CDH3: variants seen among roughly 807,000 people sequenced by gnomAD.
CDH3 encodes the protein cadherin 3, also known as cadherin-3.
In CDH3, 54 loss-of-function variants were observed where a neutral mutation model predicts 82.0. The observed-to-expected ratio is 0.66, with a 90% confidence interval of 0.53 to 0.83. The LOEUF (loss-of-function observed/expected upper bound fraction) is 0.83, where lower values mean the gene tolerates loss of function less well. Ranked by LOEUF, CDH3 falls within the 40% of genes least tolerant of loss-of-function variation. The pLI is 0.00. For synonymous variants in CDH3, 446 were observed against 437.9 expected, an observed-to-expected ratio of 1.02 and a Z score of -0.23; for missense variants, 1,054 against 1,084.6, an observed-to-expected ratio of 0.97 and a Z score of 0.40.
chr16:68,666,552 C>T (rs201054746), intron 2 of CDH3, among the ~76,000 whole-genome samples: 44 of 152,104 alleles, frequency 2.9e-4, no homozygotes, highest in South Asian at 6.2e-4. Flanking sequence ...TGACCTCTCC[C>T]GTGGGTCTCC....
downstream of CDH3, among the ~76,000 whole-genome samples, chr16:68,700,849 A>G (rs560844576): frequency 8.5e-5 from 13 of 152,218 alleles, no homozygotes; most frequent in African/African-American, 3.1e-4. Context: ...GTGAGACCCT[A>G]TCTCAACAAC....
chr16:68,713,431 G>A (rs889848508), intron 1 of CDH3, among the ~76,000 whole-genome samples: 13 of 151,810 alleles, frequency 8.6e-5, no homozygotes, highest in Admixed American at 4.6e-4. Flanking sequence ...GTGTCAAGGT[G>A]TTGATTTCAA....
chr16:68,649,465 A>C (rs1960177178), intron 2 of CDH3, among the ~76,000 whole-genome samples: 1 of 152,226 alleles, frequency 6.6e-6, no homozygotes. Context: ...ATCTGCATAG[A>C]TCAGGCACTG....
chr16:68,678,282 G>C lies in CDH3; in HGVS notation c.390+5G>C. Reference sequence around the variant, plus strand: ...TTCCCCCAGAGACTGAATCAGGTACGACTGTGCCTTCTCCTGGGAAGCATT... The same window carrying C: ...TTCCCCCAGAGACTGAATCAGGTACCACTGTGCCTTCTCCTGGGAAGCATT... On this transcript the variant is annotated splice_donor_5th_base_variant and intron_variant, in intron 4 of 15. Coordinates refer to ENST00000264012, the MANE Select transcript of CDH3 (RefSeq NM_001793.6). 1 of 1,614,104 alleles carries C rather than the reference G, an allele frequency of 6.2e-7. No individual in the cohort carries two copies. The highest frequency in any genetic ancestry group is 2.2e-5 in the East Asian group (1 of 44,870).
At chr16:68,671,207 A>ACTCAAACTCCTGGG (rs1960876012) in intron 2 of CDH3, among the ~76,000 whole-genome samples, 1 of 147,534 alleles carries the variant, frequency 6.8e-6, no homozygotes, top group African/African-American at 2.5e-5. Flanking sequence ...GCCAGGCTGG[A>ACTCAAACTCCTGGG]CTCAAACTCC....
chr16:68,682,242 G>A, intron 8 of CDH3, 60 bp from the exon 9 acceptor site: 2 of 1,562,834 alleles, frequency 1.3e-6, no homozygotes, highest in South Asian at 2.3e-5. Flanking sequence ...AGGCTTCTCA[G>A]CCTCTGGAGT....
chr16:68,718,081 C>A (rs767459536), intron 1 of CDH3, among the ~76,000 whole-genome samples: 10 of 152,162 alleles, frequency 6.6e-5, no homozygotes, highest in Middle Eastern at 6.8e-3. Flanking sequence ...ACAATCATGG[C>A]TCACTGCAAT....
intron 2 of CDH3, among the ~76,000 whole-genome samples, chr16:68,674,469 G>A (rs765266395): frequency 3.3e-5 from 5 of 152,096 alleles, no homozygotes. Context: ...ATGGTGGCTC[G>A]TATCTGTAAT....
At chr16:68,683,711 A>G (rs1284970962) in intron 9 of CDH3, among the ~76,000 whole-genome samples, 2 of 49,288 alleles carry the variant, frequency 4.1e-5, no homozygotes, top group African/African-American at 8.2e-5. Flanking sequence ...ATGGAGAAAA[A>G]AAAAAAAAAA....
Position 68,684,635 on chromosome 16 carries a change from A to C in CDH3, c.1235A>C (p.Asn412Thr). The C allele has an allele frequency of 6.2e-7, 1 of 1,614,202 alleles. No individual in the cohort carries two copies. Among genetic ancestry groups the C allele is most frequent in the Non-Finnish European group, 8.5e-7 (1 of 1,180,028 alleles). Residue 412 changes from asparagine (N) to threonine (T), a missense_variant, in exon 10 of 16, where the codon AAC becomes ACC. Transcript: ENST00000264012. ...NQHTLYVEVT[N>T]EAPFVLKLPT... is the part of the protein sequence containing the mutation. ...CACACCCTGTACGTTGAAGTGACCA[A>C]CGAGGCCCCTTTTGTGCTGAAGCTC...
At chr16:68,659,801 AC>A (rs1289514913) in intron 2 of CDH3, among the ~76,000 whole-genome samples, 12 of 75,598 alleles carry the variant, frequency 1.6e-4, no homozygotes, top group Middle Eastern at 0.019. Flanking sequence ...ATCCTTGTAG[AC>A]CCTTTTTTTT....
chr16:68,656,140 C>T (rs1239284482), intron 2 of CDH3, among the ~76,000 whole-genome samples: 1 of 152,124 alleles, frequency 6.6e-6, no homozygotes, highest in Non-Finnish European at 1.5e-5. Context: ...CAGGGTCCAG[C>T]CCCGCTTGAA....
At chr16:68,680,094 G>A (rs908215516) in intron 7 of CDH3, 120 bp downstream of exon 7, 12 of 965,506 alleles carry the variant, frequency 1.2e-5, no homozygotes, top group Admixed American at 9.2e-5. Context: ...GAGGACCCAC[G>A]TCAGCTGGGA....
At chr16:68,671,814 G>A (rs1342621614) in intron 2 of CDH3, among the ~76,000 whole-genome samples, 4 of 152,072 alleles carry the variant, frequency 2.6e-5, no homozygotes, top group Admixed American at 6.6e-5. Flanking sequence ...GAGATACCAT[G>A]CCTGGCTGAC....
intron 2 of CDH3, among the ~76,000 whole-genome samples, chr16:68,652,759 G>A (rs1213724434): frequency 6.6e-6 from 1 of 152,128 alleles, no homozygotes; most frequent in Admixed American, 6.5e-5. Context: ...TCTGACTTCT[G>A]AGTACCACAG....
chr16:68,676,211 C>A (rs1004666187), intron 2 of CDH3, among the ~76,000 whole-genome samples, 174 bp from the exon 3 acceptor site: 1 of 152,194 alleles, frequency 6.6e-6, no homozygotes, highest in African/African-American at 2.4e-5. Flanking sequence ...TGGAAGCCTC[C>A]TCTGAAACTT....
At chr16:68,684,544 A>C in intron 9 of CDH3, 39 bp from the exon 10 acceptor site, 1 of 1,613,416 alleles carries the variant, frequency 6.2e-7, no homozygotes, top group East Asian at 2.2e-5. Context: ...ACCTCCTCTC[A>C]AAATGGTGGT....
At chr16:68,697,345 T>C (rs1286480496) in intron 15 of CDH3, among the ~76,000 whole-genome samples, 1 of 151,454 alleles carries the variant, frequency 6.6e-6, no homozygotes, top group Non-Finnish European at 1.5e-5. Context: ...AAATTAGGAA[T>C]GATTTATTCA....
At chr16:68,713,928 A>G (rs986460531) in intron 1 of CDH3, among the ~76,000 whole-genome samples, 25 of 150,430 alleles carry the variant, frequency 1.7e-4, no homozygotes, top group African/African-American at 5.9e-4. Flanking sequence ...ATTTATTATT[A>G]TTATTATTAT....
Sources: gnomAD v4.1 joint callset for allele counts (sites outside exome capture counted in the v4.1 genomes callset) on GRCh38, gnomAD v4.1.1 for gene constraint, MANE v1.5 for transcripts, NCBI Gene and HGNC (gene_info 2026-07-23, HGNC 2026-07-21) for gene names.